JAKMIP3: variants seen among roughly 807,000 people sequenced by gnomAD.
JAKMIP3 encodes janus kinase and microtubule-interacting protein 3.
In JAKMIP3, 58 loss-of-function variants were observed where a neutral mutation model predicts 118.5. That is an observed-to-expected ratio of 0.49 (90% CI 0.40 to 0.61). The LOEUF (loss-of-function observed/expected upper bound fraction) is 0.61, where lower values mean the gene tolerates loss of function less well. Ranked by LOEUF, JAKMIP3 falls within the 20% of genes least tolerant of loss-of-function variation. The pLI, the probability that JAKMIP3 is intolerant of heterozygous loss-of-function variation, is 0.00. For missense variants in JAKMIP3, 950 were observed against 1,109.0 expected, an observed-to-expected ratio of 0.86 and a Z score of 2.04; for synonymous variants, 486 against 451.2, an observed-to-expected ratio of 1.08 and a Z score of -0.98.
chr10:132,104,496 G>A (rs1475767561), intron 1 of JAKMIP3, among the ~76,000 whole-genome samples, 176 bp from the exon 2 acceptor site: 1 of 152,082 alleles, frequency 6.6e-6, no homozygotes, highest in South Asian at 2.1e-4. Context: ...ACCATATGGC[G>A]GGCAGATGGG....
At chr10:132,158,404 A>G (rs945280013) in intron 19 of JAKMIP3, among the ~76,000 whole-genome samples, 6 of 152,268 alleles carry the variant, frequency 3.9e-5, no homozygotes, top group African/African-American at 1.2e-4. Flanking sequence ...GTCTCCACAC[A>G]CATTTCCAGA....
rs1477553564 is a variant in JAKMIP3, at chr10:132,097,963, T to TCACC, written c.-137-6709_-137-6708insCACC. ...TTTCCCTTTCCCATCCCCTTTCCCT[T>TCACC]TCCTTCCTTTTCTCCCCTTCCCCTT... On this transcript the variant is annotated intron_variant, in intron 1 of 23. Coordinates refer to ENST00000684848, the MANE Select transcript of JAKMIP3 (RefSeq NM_001323087.2). Among the ~76,000 whole-genome samples the TCACC allele has an allele frequency of 5.6e-5, 2 of 35,984 alleles. 1 individual carries two copies. The highest frequency in any genetic ancestry group is 5.6e-4 in the Admixed American group (2 of 3,570). 23.6% of individuals were successfully genotyped at this position (35,984 alleles called of 152,430 possible).
rs561892897 is a variant in JAKMIP3 at position 132,145,824 on chromosome 10, T to C, written c.1749+244T>C. ...GTTCTCCTGGGTCCGGGCAGGCCCC[T>C]ATCTGCAGCAGCATCTCCATTCGTG... On this transcript the variant is annotated intron_variant, in intron 13 of 23. Transcript: ENST00000684848. Among the ~76,000 whole-genome samples the C allele has an allele frequency of 4.6e-5, 7 of 152,284 alleles. No homozygotes were observed. The South Asian group carries it at 1.0e-3, about 23-fold the overall frequency.
rs1363443107 is a variant in JAKMIP3, at chr10:132,066,010, TCA to T, written c.-186_-185del. ...GTCTTGGACGAGCCGGGAAAGATTCTCACAGTCGAGCAGAGCGATGGGAGAGA... is the reference window on the plus strand; with the variant it reads ...GTCTTGGACGAGCCGGGAAAGATTCTCAGTCGAGCAGAGCGATGGGAGAGA... On this transcript the variant is annotated 5_prime_UTR_variant, in exon 1 of 24. Coordinates refer to ENST00000684848, the MANE Select transcript of JAKMIP3 (RefSeq NM_001323087.2). Among the ~76,000 whole-genome samples the T allele has an allele frequency of 1.3e-5, 2 of 152,230 alleles. No individual in the cohort carries two copies. Among genetic ancestry groups the T allele is most frequent in the Non-Finnish European group, 2.9e-5 (2 of 68,040 alleles).
chr10:132,128,603 C>T (rs1369605183), intron 3 of JAKMIP3, among the ~76,000 whole-genome samples: 1 of 151,900 alleles, frequency 6.6e-6, no homozygotes, highest in African/African-American at 2.4e-5. Flanking sequence ...TCTATTTTTT[C>T]CTTTTGTGCT....
intron 6 of JAKMIP3, 73 bp downstream of exon 6, chr10:132,136,149 G>A (rs2051721687): frequency 1.1e-5 from 16 of 1,493,578 alleles, no homozygotes; most frequent in South Asian, 2.4e-5. Context: ...CCTTCTCCAC[G>A]CAAGATTTAG....
At position 132,044,592 on chromosome 10, in the gene JAKMIP3, G is replaced by T. The variant is rs1287929233; in HGVS notation, c.-138+7854G>T. On this transcript the variant is annotated intron_variant, in intron 1 of 23. Transcript: ENST00000657785. This position sits in a 1 kb window ranked among gnomAD's most constrained non-coding sequence, Gnocchi z 5.3. ...TGGGGTGCACCTGGGACTAGAGCAG[G>T]CTGGGGTCCTGGCGCGGGCTCTTCC... Among the ~76,000 whole-genome samples, 1 of 152,108 alleles carries T rather than the reference G, an allele frequency of 6.6e-6. No individual in the cohort carries two copies. The highest frequency in any genetic ancestry group is 1.9e-4 in the East Asian group (1 of 5,192).
intron 1 of JAKMIP3, among the ~76,000 whole-genome samples, chr10:132,070,301 C>T (rs889649835): frequency 3.9e-5 from 6 of 152,164 alleles, no homozygotes; most frequent in Admixed American, 2.6e-4. Flanking sequence ...GTGTCCGCCA[C>T]CACACCCGGC....
Position 132,180,520 on chromosome 10 carries a change from GAACT to G in JAKMIP3, c.*1104-1836_*1104-1833del. Among the ~76,000 whole-genome samples, 2 of 130,332 alleles carry G rather than the reference GAACT, an allele frequency of 1.5e-5. 1 individual carries two copies. Among genetic ancestry groups the G allele is most frequent in the Middle Eastern group, 7.6e-3 (2 of 262 alleles). The allele number at this position is 130,332 out of a possible 152,430, so 85.5% of individuals were successfully genotyped here. A position where few individuals can be genotyped will look rare whatever the true frequency, so the allele number is the denominator to read the frequency against. On this transcript the variant is annotated intron_variant, in intron 23 of 23. Coordinates refer to ENST00000684848, the MANE Select transcript of JAKMIP3 (RefSeq NM_001323087.2). ...TGGGAAGACTGCAAACCTGGAAGCA[GAACT>G]GTGTGTGTGTGTGTGTGTGTGCGTG...
At chr10:132,042,439 C>T (rs2037792686) in intron 1 of JAKMIP3, among the ~76,000 whole-genome samples, 1 of 152,164 alleles carries the variant, frequency 6.6e-6, no homozygotes, top group Non-Finnish European at 1.5e-5. Context: ...AACTCCTGGG[C>T]TCAAATGATC....
intron 1 of JAKMIP3, among the ~76,000 whole-genome samples, chr10:132,069,585 G>A (rs967428223): frequency 1.4e-4 from 21 of 152,040 alleles, no homozygotes; most frequent in African/African-American, 5.1e-4. Context: ...ATCCCCCCCT[G>A]CGTGCAGGTC....
At chr10:132,148,751 G>A (rs1180036986) in intron 14 of JAKMIP3, among the ~76,000 whole-genome samples, 1 of 152,218 alleles carries the variant, frequency 6.6e-6, no homozygotes, top group Non-Finnish European at 1.5e-5. Flanking sequence ...CTGGGTGTGG[G>A]CAGCCACGTC....
chr10:132,171,652 C>CTTTTTTTTT (rs34371364), intron 23 of JAKMIP3, among the ~76,000 whole-genome samples: 1 of 135,762 alleles, frequency 7.4e-6, no homozygotes. Flanking sequence ...TTTTTTCTTT[C>CTTTTTTTTT]TTTTTTTTTT....
intron 1 of JAKMIP3, among the ~76,000 whole-genome samples, chr10:132,045,399 C>G (rs1214966417): frequency 6.6e-6 from 1 of 152,142 alleles, no homozygotes; most frequent in Non-Finnish European, 1.5e-5. Flanking sequence ...GGGTCCGAGG[C>G]TGACTTAGCA....
intron 1 of JAKMIP3, among the ~76,000 whole-genome samples, chr10:132,086,314 T>A (rs2042388459): frequency 6.6e-6 from 1 of 152,184 alleles, no homozygotes; most frequent in South Asian, 2.1e-4. Context: ...CCATATGCTG[T>A]TAAATAGAAT....
intron 1 of JAKMIP3, among the ~76,000 whole-genome samples, chr10:132,080,664 G>A (rs2041641785): frequency 6.6e-6 from 1 of 151,748 alleles, no homozygotes; most frequent in African/African-American, 2.4e-5. Context: ...TAGGACTACA[G>A]GCATGTGCCA....
intron 1 of JAKMIP3, among the ~76,000 whole-genome samples, chr10:132,050,426 C>T (rs74161716): frequency 0.12 from 18,138 of 152,056 alleles, 1,180 homozygotes; most frequent in Non-Finnish European, 0.15. Flanking sequence ...TGGTTTCTGC[C>T]GGTCGCCTTT....
chr10:132,091,673 G>T (rs1033780332), intron 1 of JAKMIP3, among the ~76,000 whole-genome samples: 16 of 150,592 alleles, frequency 1.1e-4, no homozygotes, highest in Non-Finnish European at 1.9e-4. Context: ...GTCTCTGCAC[G>T]TGAGATGGGT....
chr10:132,130,220 C>T (rs1472230520), intron 3 of JAKMIP3, among the ~76,000 whole-genome samples: 1 of 152,198 alleles, frequency 6.6e-6, no homozygotes, highest in Non-Finnish European at 1.5e-5. Flanking sequence ...ATAATAGGAC[C>T]AGGCTCTGTA....
Sources: allele counts gnomAD v4.1 joint callset (sites outside exome capture counted in the v4.1 genomes callset), GRCh38; gene constraint gnomAD v4.1.1; non-coding constraint Gnocchi (gnomAD v3.1); transcripts MANE v1.5; gene names NCBI Gene and HGNC (gene_info 2026-07-23, HGNC 2026-07-21).